KSR2: variants seen among roughly 807,000 people sequenced by gnomAD.
KSR2 encodes kinase suppressor of ras 2.
Under a neutral mutation model 107.8 loss-of-function variants are expected in KSR2, and 25 were observed. The observed-to-expected ratio is 0.23, with a 90% CI of 0.17 to 0.32. KSR2 has a LOEUF of 0.32. Among genes scored for constraint, KSR2 ranks in the 10% least tolerant of loss-of-function variants. The pLI is 1.00. For synonymous variants in KSR2, 480 were observed against 507.0 expected (o/e 0.95, Z 0.71); for missense variants, 887 against 1,268.9 (o/e 0.70, Z 4.57).
At chr12:117,552,007 A>C (rs895010636) in intron 9 of KSR2, among the ~76,000 whole-genome samples, 1 of 152,136 alleles carries the variant, frequency 6.6e-6, no homozygotes, top group Non-Finnish European at 1.5e-5. Context: ...AAATGTCACA[A>C]AGGAAAGAAT....
chr12:117,580,945 G>C (rs534940623), intron 6 of KSR2, among the ~76,000 whole-genome samples: 2 of 152,070 alleles, frequency 1.3e-5, no homozygotes, highest in African/African-American at 2.4e-5. Flanking sequence ...AGTCCAGGGG[G>C]CACGGTTGAT....
At chr12:117,938,535 T>C (rs1337342170) in intron 1 of KSR2, among the ~76,000 whole-genome samples, 1 of 149,836 alleles carries the variant, frequency 6.7e-6, no homozygotes, top group Non-Finnish European at 1.5e-5. Context: ...TGTGCACATG[T>C]ACCCTAAAAC....
intron 5 of KSR2, among the ~76,000 whole-genome samples, chr12:117,611,445 G>GACACACACACACAC (rs6144887): frequency 0.023 from 3,263 of 144,590 alleles, 98 homozygotes; most frequent in East Asian, 0.072. Context: ...TGCACGCACA[G>GACACACACACACAC]ACACACACAC....
chr12:117,718,289 T>C (rs1161672869), intron 4 of KSR2, among the ~76,000 whole-genome samples: 1 of 152,162 alleles, frequency 6.6e-6, no homozygotes, highest in African/African-American at 2.4e-5. Flanking sequence ...AAGAGGATCA[T>C]AACAAAGGCA....
chr12:117,472,323 A>G (rs1186315221), intron 17 of KSR2, among the ~76,000 whole-genome samples: 16 of 152,190 alleles, frequency 1.1e-4, no homozygotes, highest in Non-Finnish European at 7.3e-5. Flanking sequence ...AGCATGTGCC[A>G]TGAAGGGGGT....
intron 5 of KSR2, among the ~76,000 whole-genome samples, chr12:117,612,508 T>C (rs1881662203): frequency 6.6e-6 from 1 of 152,228 alleles, no homozygotes; most frequent in East Asian, 1.9e-4. Flanking sequence ...CAATTCTTCT[T>C]GCCAGAAAGT....
intron 3 of KSR2, among the ~76,000 whole-genome samples, chr12:117,772,527 TCATA>T (rs1188344194): frequency 2.6e-4 from 10 of 37,770 alleles, no homozygotes; most frequent in East Asian, 2.3e-3. Context: ...GCACACACAC[TCATA>T]CATACACACC....
At chr12:117,774,268 TTTGAG>T (rs1889609984) in intron 3 of KSR2, among the ~76,000 whole-genome samples, 1 of 152,210 alleles carries the variant, frequency 6.6e-6, no homozygotes, top group Non-Finnish European at 1.5e-5. Flanking sequence ...AGGAAAATTT[TTTGAG>T]TTTCGAGTTT....
chr12:117,517,927 T>TGTTA (rs1874482888), intron 14 of KSR2: 1 of 453,094 alleles, frequency 2.2e-6, no homozygotes, highest in South Asian at 1.6e-5. Flanking sequence ...AGTTACCACC[T>TGTTA]TAACAGAAGG....
chr12:117,512,821 C>T (rs1874114248), intron 14 of KSR2, among the ~76,000 whole-genome samples: 1 of 152,176 alleles, frequency 6.6e-6, no homozygotes, highest in Non-Finnish European at 1.5e-5. Context: ...CCCAACCTGA[C>T]ATCATGTCCC....
chr12:117,841,490 A>G (rs1196404668), intron 3 of KSR2, among the ~76,000 whole-genome samples: 1 of 152,192 alleles, frequency 6.6e-6, no homozygotes, highest in Non-Finnish European at 1.5e-5. Context: ...ACCTGCATGC[A>G]GGTGCTTCCT....
chr12:117,525,045 G>A lies in KSR2; in HGVS notation c.2026C>T (p.Arg676Cys), dbSNP rs1029088615. 1.2e-6 allele frequency: 2 copies of A among 1,613,836 alleles called. No homozygotes were observed. Among genetic ancestry groups the A allele is most frequent in the African/African-American group, 1.3e-5 (1 of 74,920 alleles). Residue 676 changes from arginine to cysteine, a missense_variant, in exon 14 of 20, where the codon CGC becomes TGC. By Grantham distance (180) the Arg-to-Cys change is radical. Coordinates refer to ENST00000339824, the MANE Select transcript of KSR2 (RefSeq NM_173598.6). ...CGGCCGTGGTACACTTGCCCAAAGC[G>A]GCCCTTTCCAATGAGCTCGCCGATC... is the stretch of plus-strand genomic sequence containing the variant. ...LEIGELIGKG[R>C]FGQVYHGRWH...
At chr12:117,529,505 T>A (rs1875460158) in intron 12 of KSR2, among the ~76,000 whole-genome samples, 1 of 151,212 alleles carries the variant, frequency 6.6e-6, no homozygotes, top group Non-Finnish European at 1.5e-5. Flanking sequence ...CATGAGCCAC[T>A]GCGCCTGGCC....
rs974153489 is a variant in KSR2, at chr12:117,464,956, G to A, written c.*2243C>T. 1.3e-5 allele frequency: 2 copies of A among 152,272 alleles called. No homozygotes were observed. Among genetic ancestry groups the A allele is most frequent in the Non-Finnish European group, 2.9e-5 (2 of 68,082 alleles). 9.4% of individuals were successfully genotyped at this position (152,272 alleles called of 1,614,324 possible). A position where few individuals can be genotyped will look rare whatever the true frequency, so the allele number is the denominator to read the frequency against. ...ACATTTTAGTTAATTCTGGAAACAA[G>A]AGAGGCAAGAGTGAGAAGGTGCCAG... is the stretch of plus-strand genomic sequence containing the variant. On this transcript the variant is annotated 3_prime_UTR_variant, in exon 20 of 20. Transcript: ENST00000339824.
chr12:117,740,113 T>C (rs141015449), intron 4 of KSR2, among the ~76,000 whole-genome samples: 97 of 149,710 alleles, frequency 6.5e-4, no homozygotes, highest in African/African-American at 2.1e-3. Flanking sequence ...CAAAAGTTCA[T>C]TGTATCATTC....
chr12:117,667,014 A>G (rs932237890), intron 5 of KSR2, among the ~76,000 whole-genome samples: 2 of 152,236 alleles, frequency 1.3e-5, no homozygotes, highest in Non-Finnish European at 2.9e-5. Context: ...TTTGAGATGT[A>G]AAGGTTATAT....
chr12:117,927,390 A>G (rs950053544), intron 1 of KSR2, among the ~76,000 whole-genome samples: 4 of 67,902 alleles, frequency 5.9e-5, no homozygotes, highest in Non-Finnish European at 1.1e-4. Context: ...AATAACAACA[A>G]AAAAAAAAGG....
Position 117,761,533 on chromosome 12 carries a change from G to C in KSR2, c.473-9C>G, listed in dbSNP as rs1889023184. The C allele has an allele frequency of 1.2e-6, 2 of 1,612,912 alleles. No homozygotes were observed. Among genetic ancestry groups the C allele is most frequent in the Non-Finnish European group, 1.7e-6 (2 of 1,179,780 alleles). On this transcript the variant is annotated splice_polypyrimidine_tract_variant and intron_variant, in intron 3 of 19. Coordinates refer to ENST00000339824, the MANE Select transcript of KSR2 (RefSeq NM_173598.6). ...TTTGGAAAGGTTGCCTCCTGAGTTG[G>C]AACAGAAGAGCAGAGACAATGGGTA...
At chr12:117,885,124 GCT>G (rs1894136489) in intron 1 of KSR2, among the ~76,000 whole-genome samples, 1 of 152,156 alleles carries the variant, frequency 6.6e-6, no homozygotes, top group Non-Finnish European at 1.5e-5. Flanking sequence ...GGATGATGAA[GCT>G]CTGAGAGGCT....
Sources: gnomAD v4.1 joint callset for allele counts (sites outside exome capture counted in the v4.1 genomes callset) on GRCh38, gnomAD v4.1.1 for gene constraint, MANE v1.5 for transcripts, NCBI Gene and HGNC (gene_info 2026-07-23, HGNC 2026-07-21) for gene names.